KMT2C: variants seen among roughly 807,000 people sequenced by gnomAD.
KMT2C encodes histone-lysine N-methyltransferase 2C.
Under a neutral mutation model 507.9 loss-of-function variants are expected in KMT2C, and 88 were observed. The ratio of observed to expected loss-of-function variants is 0.17; its 90% CI spans 0.15 to 0.21. The LOEUF (loss-of-function observed/expected upper bound fraction) is 0.21, where lower values mean the gene tolerates loss of function less well. KMT2C is among the 10% of genes least tolerant of loss of function. The pLI, the probability that KMT2C is intolerant of heterozygous loss-of-function variation, is 1.00. For synonymous variants in KMT2C, 2,049 were observed against 2,080.8 expected (o/e 0.98, Z 0.42); for missense variants, 4,954 against 5,957.8 (o/e 0.83, Z 5.55).
rs143651175 is a variant in KMT2C at position 152,357,108 on chromosome 7, C to T, written c.250+1479G>A. 2.5e-4 allele frequency among the ~76,000 whole-genome samples: 38 copies of T among 151,726 alleles called. 1 individual carries two copies. Among genetic ancestry groups the T allele is most frequent in the African/African-American group, 9.2e-4 (38 of 41,326 alleles). ...AGGCATGGTGGCGCATGTCTATAATCCCAGCTACTTGGGAGGCTGAGGCAG... is the reference window on the plus strand; with the variant it reads ...AGGCATGGTGGCGCATGTCTATAATTCCAGCTACTTGGGAGGCTGAGGCAG... On this transcript the variant is annotated intron_variant, in intron 2 of 58. Transcript: ENST00000262189.
intron 20 of KMT2C, among the ~76,000 whole-genome samples, chr7:152,223,009 G>T (rs1420928850): frequency 6.6e-6 from 1 of 152,192 alleles, no homozygotes; most frequent in Non-Finnish European, 1.5e-5. Flanking sequence ...TCAGAAAACT[G>T]CAAATGGCAG....
At chr7:152,256,389 G>A (rs1430631872) in intron 9 of KMT2C, among the ~76,000 whole-genome samples, 6 of 151,732 alleles carry the variant, frequency 4.0e-5, no homozygotes, top group African/African-American at 1.2e-4. Flanking sequence ...AACATAGTGA[G>A]ACCCTGTCTC....
intron 36 of KMT2C, 47 bp from the exon 37 acceptor site, chr7:152,180,173 G>A (rs1175454314): frequency 1.3e-6 from 2 of 1,591,620 alleles, no homozygotes; most frequent in Non-Finnish European, 8.6e-7. Context: ...GTAATTAATG[G>A]CTTTTTAAAG....
rs557765193 is a variant in KMT2C, at chr7:152,174,044, C to A, written c.9374+87G>T. On this transcript the variant is annotated intron_variant, in intron 39 of 58. Coordinates refer to ENST00000262189, the MANE Select transcript of KMT2C (RefSeq NM_170606.3). ...TTGTTCATTCCTAGACAAGGGCTTT[C>A]CATTTTCTGTATGTTTTTTCTAAAA... is the stretch of plus-strand genomic sequence containing the variant. The A allele has an allele frequency of 4.7e-5, 34 of 719,868 alleles. No homozygotes were observed. In the South Asian group the frequency reaches 6.4e-4, roughly 13 times the overall value. 44.6% of individuals were successfully genotyped at this position (719,868 alleles called of 1,614,324 possible). A position where few individuals can be genotyped will look rare whatever the true frequency, so the allele number is the denominator to read the frequency against.
At position 152,343,866 on chromosome 7, in the gene KMT2C, T is replaced by C. The variant is rs547590336; in HGVS notation, c.251-13127A>G. Among the ~76,000 whole-genome samples the C allele has an allele frequency of 2.0e-5, 3 of 152,318 alleles. No homozygotes were observed. In the East Asian group the frequency reaches 5.8e-4, roughly 29 times the overall value. On this transcript the variant is annotated intron_variant, in intron 2 of 58. Transcript: ENST00000262189. ...CAAACAAAAATTTAAGAATTTGTTG[T>C]CAGATGACCTACCTTGCAAGAAATG... is the stretch of plus-strand genomic sequence containing the variant.
rs1491277955 is a variant in KMT2C, at chr7:152,201,617, G to GGAAAAAAAAAAAAA, written c.4092+1316_4092+1317insTTTTTTTTTTTTTC. Reference sequence around the variant, plus strand: ...CCCAGGAGAAAACAACAACAAAGATGAAAAAAAAAAAAAAAAAAAAAAAAA... The same window carrying GGAAAAAAAAAAAAA: ...CCCAGGAGAAAACAACAACAAAGATGGAAAAAAAAAAAAAAAAAAAAAAAAAAAAAAAAAAAAAA... On this transcript the variant is annotated intron_variant, in intron 26 of 58. Coordinates refer to ENST00000262189, the MANE Select transcript of KMT2C (RefSeq NM_170606.3). Among the ~76,000 whole-genome samples the GGAAAAAAAAAAAAA allele has an allele frequency of 8.7e-5, 2 of 22,874 alleles. 1 individual carries two copies. Among genetic ancestry groups the GGAAAAAAAAAAAAA allele is most frequent in the African/African-American group, 1.6e-4 (2 of 12,138 alleles). The allele number at this position is 22,874 out of a possible 152,430, so 15.0% of individuals were successfully genotyped here.
At chr7:152,332,851 AACACACACACACACACAC>A (rs35781658) in intron 2 of KMT2C, among the ~76,000 whole-genome samples, 5 of 138,520 alleles carry the variant, frequency 3.6e-5, no homozygotes, top group East Asian at 2.2e-4. Context: ...TGCGTCTCAA[AACACACACACACACACAC>A]ACACACACAC....
At chr7:152,239,399 T>C (rs1761462261) in intron 14 of KMT2C, among the ~76,000 whole-genome samples, 2 of 152,300 alleles carry the variant, frequency 1.3e-5, no homozygotes, top group South Asian at 4.1e-4. Flanking sequence ...ATCTAAGCAT[T>C]TAATCACTCT....
intron 12 of KMT2C, among the ~76,000 whole-genome samples, chr7:152,250,472 T>C (rs1357111691): frequency 6.6e-6 from 1 of 152,156 alleles, no homozygotes; most frequent in East Asian, 1.9e-4. Context: ...ATCATGGAAA[T>C]AAGTGAAATA....
chr7:152,167,113 T>C (rs1425929425), intron 42 of KMT2C, 33 bp downstream of exon 42: 2 of 1,505,566 alleles, frequency 1.3e-6, no homozygotes, highest in Non-Finnish European at 9.2e-7. Flanking sequence ...CATTAATTGT[T>C]GGTAGTTTCT....
Position 152,180,131 on chromosome 7 carries a change from A to G in KMT2C, c.7150-5T>C, listed in dbSNP as rs2129118400. 6.2e-7 allele frequency: 1 copy of G among 1,613,956 alleles called. No individual in the cohort carries two copies. The highest frequency in any genetic ancestry group is 1.3e-5 in the African/African-American group (1 of 75,016). On this transcript the variant is annotated splice_polypyrimidine_tract_variant and splice_region_variant and intron_variant, in intron 36 of 58. Coordinates refer to ENST00000262189, the MANE Select transcript of KMT2C (RefSeq NM_170606.3). ...GATTTCACGTAACTTCTGCCGCTAAATGGGAAGAAACAAAAATCACTGGGA... is the reference window on the plus strand; with the variant it reads ...GATTTCACGTAACTTCTGCCGCTAAGTGGGAAGAAACAAAAATCACTGGGA...
chr7:152,290,258 G>GTGTGTGTGTGTGTATATATATATATATA (rs1337492088), intron 6 of KMT2C, among the ~76,000 whole-genome samples: 1 of 26,242 alleles, frequency 3.8e-5, no homozygotes, highest in African/African-American at 1.4e-4. Context: ...GTGTGTATGT[G>GTGTGTGTGTGTGTATATATATATATATA]TATATATATA....
Position 152,267,621 on chromosome 7 carries a change from G to A in KMT2C, c.1013-2412C>T, listed in dbSNP as rs189634766. Among the ~76,000 whole-genome samples the A allele has an allele frequency of 6.6e-5, 10 of 152,248 alleles. No homozygotes were observed. In the East Asian group the frequency reaches 1.7e-3, roughly 26 times the overall value. ...TTGTACCTACCTAATACTCTGTCTC[G>A]CTAACTGCAGTATCTTCTGCATCAA... On this transcript the variant is annotated intron_variant, in intron 7 of 58. Coordinates refer to ENST00000262189, the MANE Select transcript of KMT2C (RefSeq NM_170606.3).
At chr7:152,344,850 G>A (rs1264852899) in intron 2 of KMT2C, among the ~76,000 whole-genome samples, 3 of 152,102 alleles carry the variant, frequency 2.0e-5, no homozygotes, top group African/African-American at 7.2e-5. Context: ...AGCTGGGCAG[G>A]AAAGCATGCG....
At chr7:152,290,522 C>G (rs2096410238) in intron 6 of KMT2C, among the ~76,000 whole-genome samples, 1 of 150,888 alleles carries the variant, frequency 6.6e-6, no homozygotes, top group South Asian at 2.1e-4. Context: ...CTTGGCCATG[C>G]TGGTCTTGAG....
intron 23 of KMT2C, among the ~76,000 whole-genome samples, chr7:152,219,010 C>T (rs1264723116): frequency 6.6e-6 from 1 of 151,692 alleles, no homozygotes; most frequent in Non-Finnish European, 1.5e-5. Context: ...TGCTCTGTCA[C>T]CCACGCTGGA....
At chr7:152,261,193 T>C (rs552995264) in intron 9 of KMT2C, among the ~76,000 whole-genome samples, 17 of 152,408 alleles carry the variant, frequency 1.1e-4, no homozygotes, top group Admixed American at 3.3e-4. Flanking sequence ...TACGTGGCCA[T>C]AGTGTCAGGC....
intron 1 of KMT2C, among the ~76,000 whole-genome samples, chr7:152,379,508 A>G (rs542838103): frequency 1.3e-5 from 2 of 152,016 alleles, no homozygotes; most frequent in East Asian, 3.9e-4. Context: ...ACTGCACTCC[A>G]GCCTAGGCGA....
chr7:152,358,594 C>T lies in KMT2C; in HGVS notation c.243G>A (p.Val81=), dbSNP rs2129231427. The change falls in exon 2 of 59, where the codon GTG becomes GTA. Residue 81 remains valine (V), a synonymous_variant. Coordinates refer to ENST00000262189, the MANE Select transcript of KMT2C (RefSeq NM_170606.3). ...ATTCTTGAGTTCTGATACCTGTTTC[C>T]ACAATCGTTTCTGTTTCTGTTGTCT... ...GLETTETETI[V]ETEIKEQSAE... The T allele has an allele frequency of 1.2e-6, 2 of 1,601,768 alleles. No homozygotes were observed. Among genetic ancestry groups the T allele is most frequent in the East Asian group, 4.5e-5 (2 of 44,728 alleles).
Sources: gnomAD v4.1 joint callset for allele counts (sites outside exome capture counted in the v4.1 genomes callset) on GRCh38, gnomAD v4.1.1 for gene constraint, MANE v1.5 for transcripts, NCBI Gene and HGNC (gene_info 2026-07-23, HGNC 2026-07-21) for gene names.